The following ANK1 variants were observed in gnomAD, a reference collection of about 807,000 sequenced individuals.
ANK1 encodes ankyrin 1.
A neutral mutation model predicts 210.4 loss-of-function variants in ANK1; 51 were observed. The observed-to-expected ratio is 0.24, with a 90% CI of 0.19 to 0.31. The LOEUF is 0.31. ANK1 is among the 10% of genes least tolerant of loss of function. ANK1 has a pLI of 1.00. For missense variants in ANK1, 2,051 were observed against 2,504.4 expected (o/e 0.82, Z 3.86); for synonymous variants, 967 against 1,025.9 (o/e 0.94, Z 1.10).
intron 22 of ANK1, among the ~76,000 whole-genome samples, chr8:41,699,945 G>C (rs1822235210): frequency 6.6e-6 from 1 of 152,228 alleles, no homozygotes; most frequent in Non-Finnish European, 1.5e-5. Flanking sequence ...TCATTTCAAA[G>C]GGCTGGAGAA....
intron 1 of ANK1, among the ~76,000 whole-genome samples, chr8:41,763,854 T>TA (rs1388147215): frequency 2.8e-4 from 42 of 150,696 alleles, no homozygotes; most frequent in Non-Finnish European, 5.8e-4. Flanking sequence ...TGCTAAAGCT[T>TA]TTTCTTTCTT....
rs145935080 is a variant in ANK1, at chr8:41,879,267, G to A, written c.126+17088C>T. ...CCAGAAAATCAGGGATCACCTCCTC[G>A]GGGGTTGCTGCCCTCCTGCGTTTGT... On this transcript the variant is annotated intron_variant, in intron 1 of 42. Transcript: ENST00000265709. 2.2e-3 allele frequency among the ~76,000 whole-genome samples: 338 copies of A among 152,126 alleles called. 2 individuals carry two copies. Among genetic ancestry groups the A allele is most frequent in the African/African-American group, 7.6e-3 (315 of 41,486 alleles).
chr8:41,792,175 T>C (rs1354496668), intron 1 of ANK1, among the ~76,000 whole-genome samples: 3 of 152,090 alleles, frequency 2.0e-5, no homozygotes, highest in Non-Finnish European at 4.4e-5. Flanking sequence ...AGGGTGACAG[T>C]CAAGGGTGAG....
intron 37 of ANK1, among the ~76,000 whole-genome samples, chr8:41,681,916 G>A (rs1023865657): frequency 9.2e-5 from 14 of 152,220 alleles, no homozygotes; most frequent in South Asian, 4.1e-4. Context: ...TGGGTCTACC[G>A]GGGACCTGCC....
chr8:41,723,655 G>C, intron 7 of ANK1, 22 bp from the exon 8 acceptor site: 1 of 1,605,492 alleles, frequency 6.2e-7, no homozygotes, highest in Non-Finnish European at 8.5e-7. Flanking sequence ...AAGCAGGACG[G>C]TCAGGGCGCG....
At chr8:41,857,377 C>A (rs2150815709) in intron 1 of ANK1, among the ~76,000 whole-genome samples, 1 of 151,754 alleles carries the variant, frequency 6.6e-6, no homozygotes, top group South Asian at 2.1e-4. Context: ...GCAGGTGGAT[C>A]AACCGAGGTC....
At chr8:41,666,288 C>T (rs1585865638) in intron 39 of ANK1, among the ~76,000 whole-genome samples, 1 of 152,238 alleles carries the variant, frequency 6.6e-6, no homozygotes, top group East Asian at 1.9e-4. Context: ...AATTCACTGA[C>T]ACCTCACCAC....
At chr8:41,881,368 G>A (rs933636014) in intron 1 of ANK1, among the ~76,000 whole-genome samples, 1 of 152,222 alleles carries the variant, frequency 6.6e-6, no homozygotes, top group Non-Finnish European at 1.5e-5. Context: ...ATACCCTGGT[G>A]TGTGGTATGT....
In ANK1 at chr8:41,672,927, A is replaced by G; in HGVS notation, c.4538-15T>C. 2.5e-6 allele frequency: 4 copies of G among 1,590,404 alleles called. No individual in the cohort carries two copies. The highest frequency in any genetic ancestry group is 1.1e-5 in the South Asian group (1 of 90,116). ...TGAGGAGTAACCTGGATGGGCAGAC[A>G]GAGGGCAACATGCTCCAGCAGTGAT... On this transcript the variant is annotated splice_polypyrimidine_tract_variant and intron_variant, in intron 37 of 42. Transcript: ENST00000289734.
At chr8:41,791,465 G>T (rs184794775) in intron 1 of ANK1, among the ~76,000 whole-genome samples, 227 of 140,228 alleles carry the variant, frequency 1.6e-3, no homozygotes, top group Non-Finnish European at 2.2e-3. Flanking sequence ...TTTTTTGAAC[G>T]GAGACTTGCT....
In ANK1 at chr8:41,723,196, C is replaced by T. The variant is rs1829712881; in HGVS notation, c.838G>A (p.Ala280Thr). The part of the protein sequence containing the change: ...KDELTPLHCA[A>T]RNGHVRISEI... ...GAGATTCGCACGTGCCCATTTCGAGCTGCACAGTGGAGAGGTGTCAATTCG... is the reference window on the plus strand; with the variant it reads ...GAGATTCGCACGTGCCCATTTCGAGTTGCACAGTGGAGAGGTGTCAATTCG... The change falls in exon 9 of 43, where the codon GCT becomes ACT. Residue 280 changes from alanine to threonine, a missense_variant. Physicochemically the swap from Ala to Thr is moderately conservative, Grantham distance 58 (BLOSUM62 0). This residue lies in a region of ANK1 where 1,413 missense variants were observed against 1,707.4 expected (regional missense o/e 0.83). Transcript: ENST00000289734. The T allele has an allele frequency of 1.9e-6, 3 of 1,614,150 alleles. No individual in the cohort carries two copies. Among genetic ancestry groups the T allele is most frequent in the Non-Finnish European group, 2.5e-6 (3 of 1,180,034 alleles).
intron 1 of ANK1, among the ~76,000 whole-genome samples, chr8:41,852,900 C>T (rs1251624579): frequency 6.6e-6 from 1 of 152,208 alleles, no homozygotes; most frequent in Non-Finnish European, 1.5e-5. Context: ...TTTGACCTAG[C>T]TTGAGGACAT....
intron 16 of ANK1, among the ~76,000 whole-genome samples, chr8:41,711,270 T>C (rs1826042447): frequency 6.6e-6 from 1 of 151,948 alleles, no homozygotes; most frequent in Non-Finnish European, 1.5e-5. Context: ...ACTATGTAAA[T>C]GAAAAATAAA....
At chr8:41,660,089 C>A (rs568642835) in intron 42 of ANK1, among the ~76,000 whole-genome samples, 2 of 152,172 alleles carry the variant, frequency 1.3e-5, no homozygotes, top group Non-Finnish European at 2.9e-5. Context: ...CAGGACCCAA[C>A]AGCAGCTACT....
intron 33 of ANK1, among the ~76,000 whole-genome samples, chr8:41,689,457 T>A (rs974863328): frequency 1.3e-5 from 2 of 152,106 alleles, no homozygotes; most frequent in Non-Finnish European, 2.9e-5. Flanking sequence ...AAGAAGTTGG[T>A]TCACCCTCAT....
At position 41,724,488 on chromosome 8, in the gene ANK1, T is replaced by C; in HGVS notation, c.679A>G (p.Asn227Asp). The change falls in exon 7 of 43, where the codon AAC becomes GAC. Residue 227 changes from asparagine (N) to aspartate (D), a missense_variant. By Grantham distance (23) the Asn-to-Asp change is conservative (BLOSUM62 1). This residue lies in a region of ANK1 where 1,413 missense variants were observed against 1,707.4 expected (regional missense o/e 0.83). Transcript: ENST00000289734. ...ENLNVAQLLL[N>D]RGASVNFTPQ... ...GTGAAATTGACGCTGGCTCCTCTGT[T>C]GAGGAGCAACTGGGCCACGTTGAGG... The C allele has an allele frequency of 6.3e-7, 1 of 1,597,520 alleles. No homozygotes were observed. The highest frequency in any genetic ancestry group is 8.5e-7 in the Non-Finnish European group (1 of 1,172,136).
intron 1 of ANK1, among the ~76,000 whole-genome samples, chr8:41,805,245 T>TTCTCTCTC (rs150007263): frequency 6.9e-6 from 1 of 144,776 alleles, no homozygotes; most frequent in African/African-American, 2.5e-5. Context: ...CTTTGTCTCT[T>TTCTCTCTC]TCTCTCTCTC....
upstream of ANK1, among the ~76,000 whole-genome samples, chr8:41,798,019 A>G (rs1849130710): frequency 6.6e-6 from 1 of 151,780 alleles, no homozygotes; most frequent in Admixed American, 6.6e-5. Context: ...GCATCTACAC[A>G]ATTTGCCTTT....
chr8:41,822,102 GAGAGAGAGAGAGAAAGAAAGAGAAAGAA>G (rs1563844935), intron 1 of ANK1, among the ~76,000 whole-genome samples: 1,056 of 37,816 alleles, frequency 0.028, 52 homozygotes, highest in African/African-American at 0.081. Context: ...GAGAGAGAGA[GAGAGAGAGAGAGAAAGAAAGAGAAAGAA>G]AGAGAAAGAA....
Sources: allele counts gnomAD v4.1 joint callset (sites outside exome capture counted in the v4.1 genomes callset), GRCh38; gene constraint gnomAD v4.1.1; regional missense constraint gnomAD v4.1.1; transcripts MANE v1.5; gene names NCBI Gene and HGNC (gene_info 2026-07-23, HGNC 2026-07-21).